Variants in STPG2 observed in about 807,000 individuals in gnomAD.
STPG2 encodes sperm tail PG-rich repeat containing 2.
Under a neutral mutation model 54.2 loss-of-function variants are expected in STPG2, and 56 were observed. That is an observed-to-expected ratio of 1.03 (90% CI 0.83 to 1.29). STPG2 has a LOEUF of 1.29. Among genes scored for constraint, STPG2 ranks in the 50% most tolerant of loss-of-function variants. STPG2 has a pLI of 0.00. For synonymous variants in STPG2, 200 were observed against 181.8 expected (o/e 1.10, Z -0.81); for missense variants, 596 against 544.9 (o/e 1.09, Z -0.93).
intron 10 of STPG2, among the ~76,000 whole-genome samples, chr4:97,600,744 A>G (rs1733437171): frequency 6.6e-6 from 1 of 152,168 alleles, no homozygotes; most frequent in Non-Finnish European, 1.5e-5. Context: ...GGAAAGTTCA[A>G]AAATAGCGCA....
intron 3 of STPG2, among the ~76,000 whole-genome samples, chr4:98,120,369 A>G (rs1739644610): frequency 6.6e-6 from 1 of 152,040 alleles, no homozygotes; most frequent in Non-Finnish European, 1.5e-5. Context: ...ATGAGCCACC[A>G]CGCCCAGCCA....
chr4:98,095,370 CAT>C (rs1229453035), intron 5 of STPG2, among the ~76,000 whole-genome samples: 1 of 152,120 alleles, frequency 6.6e-6, no homozygotes, highest in Non-Finnish European at 1.5e-5. Flanking sequence ...AATTAAAAGA[CAT>C]AGAGCAGCTG....
intron 9 of STPG2, among the ~76,000 whole-genome samples, chr4:97,722,148 T>A (rs1463628353): frequency 1.3e-5 from 2 of 151,688 alleles, no homozygotes; most frequent in African/African-American, 2.4e-5. Context: ...TACTGAAATC[T>A]ATTTATATGC....
chr4:97,902,655 C>G (rs1386775282), intron 8 of STPG2, among the ~76,000 whole-genome samples: 3 of 151,894 alleles, frequency 2.0e-5, no homozygotes, highest in African/African-American at 7.2e-5. Context: ...ACCGGTGTAG[C>G]TGAGGATGTG....
At chr4:97,932,567 C>T (rs181287860) in intron 8 of STPG2, among the ~76,000 whole-genome samples, 234 of 152,208 alleles carry the variant, frequency 1.5e-3, no homozygotes, top group African/African-American at 5.5e-3. Context: ...CTCCCTGTGT[C>T]CATGTGTTCT....
intron 7 of STPG2, among the ~76,000 whole-genome samples, chr4:97,966,261 T>C (rs1331778605): frequency 6.6e-6 from 1 of 151,518 alleles, no homozygotes; most frequent in African/African-American, 2.4e-5. Flanking sequence ...GCTGATTCAA[T>C]CAAAAGGGTA....
At position 97,787,730 on chromosome 4, in the gene STPG2, TATCAG is replaced by T. The variant is rs1726869373; in HGVS notation, c.1204+53038_1204+53042del. On this transcript the variant is annotated intron_variant, in intron 9 of 10. Transcript: ENST00000295268. ...TAAATGTTTATGCTTGATATGTTCTTATCAGATAACTTTTAATGAAGAATTCAATT... is the reference window on the plus strand; with the variant it reads ...TAAATGTTTATGCTTGATATGTTCTTATAACTTTTAATGAAGAATTCAATT... Among the ~76,000 whole-genome samples the T allele has an allele frequency of 1.1e-4, 16 of 152,070 alleles. 1 individual carries two copies. The South Asian group carries it at 3.3e-3, about 31-fold the overall frequency.
Position 97,518,869 on chromosome 4 carries a change from C to T in STPG2, c.462+193830G>A, listed in dbSNP as rs902072355. On this transcript the variant is annotated intron_variant, in intron 4 of 4. Coordinates refer to the STPG2 transcript ENST00000522676. ...CCTACCAGCTCAGGCTCAACACCAT[C>T]CTTTTTTACTTCCAATCTGATGCTA... 1.6e-4 allele frequency among the ~76,000 whole-genome samples: 24 copies of T among 152,188 alleles called. No individual in the cohort carries two copies. The South Asian group carries it at 4.4e-3, about 28-fold the overall frequency.
intron 10 of STPG2, among the ~76,000 whole-genome samples, chr4:97,601,679 T>C (rs375141732): frequency 1.2e-4 from 19 of 152,084 alleles, no homozygotes; most frequent in African/African-American, 4.1e-4. Context: ...TTTTGAGGAA[T>C]TCTATTCCAT....
intron 4 of STPG2, among the ~76,000 whole-genome samples, chr4:97,459,894 G>T (rs1179683274): frequency 6.6e-6 from 1 of 152,090 alleles, no homozygotes; most frequent in Non-Finnish European, 1.5e-5. Context: ...GTACTACAGA[G>T]AAGCATTTTC....
At chr4:97,898,108 A>G (rs1731030087) in intron 8 of STPG2, among the ~76,000 whole-genome samples, 1 of 152,062 alleles carries the variant, frequency 6.6e-6, no homozygotes, top group African/African-American at 2.4e-5. Context: ...GTCCAGATTC[A>G]ATCTTCGGCA....
intron 10 of STPG2, among the ~76,000 whole-genome samples, chr4:97,574,217 TA>T (rs943187380): frequency 1.3e-5 from 2 of 151,690 alleles, no homozygotes; most frequent in South Asian, 2.1e-4. Flanking sequence ...AACCCTCTGT[TA>T]AAAAAAAGTC....
chr4:97,515,171 C>G (rs1379590406), intron 4 of STPG2, among the ~76,000 whole-genome samples: 1 of 152,020 alleles, frequency 6.6e-6, no homozygotes, highest in Non-Finnish European at 1.5e-5. Flanking sequence ...GAAAACCTTA[C>G]TTATAAGAAT....
intron 8 of STPG2, among the ~76,000 whole-genome samples, chr4:97,926,162 G>A (rs1732324562): frequency 6.6e-6 from 1 of 152,066 alleles, no homozygotes; most frequent in Non-Finnish European, 1.5e-5. Flanking sequence ...CAAGGAGGGT[G>A]TTACTCTAAC....
intron 7 of STPG2, among the ~76,000 whole-genome samples, chr4:97,965,196 C>T (rs1296017723): frequency 6.6e-6 from 1 of 152,236 alleles, no homozygotes; most frequent in South Asian, 2.1e-4. Context: ...ATCTCCTGTG[C>T]CTGGCTCGAT....
chr4:97,577,568 T>G (rs1167285413), intron 10 of STPG2, among the ~76,000 whole-genome samples: 1 of 152,072 alleles, frequency 6.6e-6, no homozygotes, highest in Non-Finnish European at 1.5e-5. Flanking sequence ...CAACAGACAC[T>G]GGGACTATTA....
intron 9 of STPG2, among the ~76,000 whole-genome samples, chr4:97,826,892 G>A (rs760376683): frequency 5.9e-5 from 9 of 152,182 alleles, no homozygotes; most frequent in Admixed American, 1.3e-4. Flanking sequence ...TGTCAATCAT[G>A]TTTTTGACTA....
intron 8 of STPG2, among the ~76,000 whole-genome samples, chr4:97,887,983 T>C (rs1417515030): frequency 3.3e-5 from 5 of 152,162 alleles, no homozygotes; most frequent in African/African-American, 1.2e-4. Flanking sequence ...AGGATTTAAG[T>C]CATAAGCCTT....
In STPG2 at chr4:98,071,367, G is replaced by A. The variant is rs187122818; in HGVS notation, c.612+34586C>T. ...TGCTGGGAGAACTGGCTAGCCATACGCAGAAAATTGAAACTGGGCCCCTTC... is the reference window on the plus strand; with the variant it reads ...TGCTGGGAGAACTGGCTAGCCATACACAGAAAATTGAAACTGGGCCCCTTC... On this transcript the variant is annotated intron_variant, in intron 5 of 10. Coordinates refer to ENST00000295268, the MANE Select transcript of STPG2 (RefSeq NM_174952.3). Among the ~76,000 whole-genome samples, 614 of 152,238 alleles carry A rather than the reference G, an allele frequency of 4.0e-3. 1 individual carries two copies. Among genetic ancestry groups the A allele is most frequent in the Middle Eastern group, 0.014 (4 of 294 alleles).
Sources: gnomAD v4.1 joint callset for allele counts (sites outside exome capture counted in the v4.1 genomes callset) on GRCh38, gnomAD v4.1.1 for gene constraint, MANE v1.5 for transcripts, NCBI Gene and HGNC (gene_info 2026-07-23, HGNC 2026-07-21) for gene names.